CNTN3: variants seen among roughly 807,000 people sequenced by gnomAD.
CNTN3 encodes the protein contactin-3.
CNTN3 carries 60 observed loss-of-function variants against 119.1 expected under a neutral mutation model. The ratio of observed to expected loss-of-function variants is 0.50; its 90% confidence interval spans 0.41 to 0.62. The LOEUF (loss-of-function observed/expected upper bound fraction) is 0.62. Ranked by LOEUF, CNTN3 falls within the 20% of genes least tolerant of loss-of-function variation. The probability of loss-of-function intolerance (pLI) is 0.00; values close to 1 mark genes in which losing one functional copy is unlikely to be tolerated. For missense variants in CNTN3, 1,101 were observed against 1,242.4 expected (o/e 0.89, Z 1.71); for synonymous variants, 450 against 438.7 (o/e 1.03, Z -0.32).
At chr3:74,589,701 C>G (rs1704665034) in intron 1 of CNTN3, among the ~76,000 whole-genome samples, 1 of 150,212 alleles carries the variant, frequency 6.7e-6, no homozygotes. Flanking sequence ...AGACTTGGAA[C>G]CAACCCAAAT....
intron 2 of CNTN3, among the ~76,000 whole-genome samples, chr3:74,511,146 T>TA (rs906563400): frequency 2.4e-4 from 37 of 151,574 alleles, no homozygotes; most frequent in African/African-American, 6.8e-4. Flanking sequence ...TGGCTTCATT[T>TA]AAAAAAAAAT....
At chr3:74,378,136 T>C (rs961302215) in intron 5 of CNTN3, among the ~76,000 whole-genome samples, 1 of 152,216 alleles carries the variant, frequency 6.6e-6, no homozygotes, top group African/African-American at 2.4e-5. Context: ...TTATCACCGA[T>C]TCATACAATC....
chr3:74,590,293 T>C (rs1704679387), intron 1 of CNTN3, among the ~76,000 whole-genome samples: 1 of 151,940 alleles, frequency 6.6e-6, no homozygotes, highest in Non-Finnish European at 1.5e-5. Context: ...GAAGTATACT[T>C]TCCAATTCAG....
At chr3:74,464,417 T>C (rs1702425062) in intron 4 of CNTN3, among the ~76,000 whole-genome samples, 1 of 152,116 alleles carries the variant, frequency 6.6e-6, no homozygotes, top group Non-Finnish European at 1.5e-5. Context: ...TGATGGTATA[T>C]ACAGATATAA....
chr3:74,575,721 C>T (rs949044781), intron 1 of CNTN3, among the ~76,000 whole-genome samples: 2 of 151,774 alleles, frequency 1.3e-5, no homozygotes, highest in East Asian at 1.9e-4. Flanking sequence ...TCAACTCCTG[C>T]TCCCCTTTTC....
Position 74,336,530 on chromosome 3 carries a change from C to A in CNTN3, c.1492+1G>T. The A allele has an allele frequency of 6.2e-7, 1 of 1,611,712 alleles. No individual in the cohort carries two copies. Among genetic ancestry groups the A allele is most frequent in the South Asian group, 1.1e-5 (1 of 90,876 alleles). On this transcript the variant is annotated splice_donor_variant, in intron 12 of 22. Transcript: ENST00000263665. LOFTEE classifies it high-confidence loss of function. Reference sequence around the variant, plus strand: ...AAGCAATATTTTAGAAATGGACCTACCCGTAACAACCAAATGTGTTGTGCC... The same window carrying A: ...AAGCAATATTTTAGAAATGGACCTAACCGTAACAACCAAATGTGTTGTGCC...
At chr3:74,425,039 T>A in intron 4 of CNTN3, 99 bp from the exon 5 acceptor site, 1 of 806,434 alleles carries the variant, frequency 1.2e-6, no homozygotes, top group Non-Finnish European at 1.9e-6. Context: ...AATTTTAGTT[T>A]TTGCTTTTTT....
At chr3:74,357,161 C>T (rs2106761393) in intron 11 of CNTN3, among the ~76,000 whole-genome samples, 1 of 152,156 alleles carries the variant, frequency 6.6e-6, no homozygotes, top group Non-Finnish European at 1.5e-5. Context: ...CTCCTGACCT[C>T]GTGATCCGCC....
At chr3:74,396,980 T>A (rs1011111979) in intron 5 of CNTN3, among the ~76,000 whole-genome samples, 5 of 152,138 alleles carry the variant, frequency 3.3e-5, no homozygotes, top group Non-Finnish European at 7.3e-5. Flanking sequence ...TCAATGTAGA[T>A]GAAATAGCCT....
At chr3:74,441,873 G>T (rs897334599) in intron 4 of CNTN3, among the ~76,000 whole-genome samples, 1 of 151,958 alleles carries the variant, frequency 6.6e-6, no homozygotes, top group Non-Finnish European at 1.5e-5. Flanking sequence ...GACAAATTAG[G>T]TTACCATTCT....
intron 5 of CNTN3, among the ~76,000 whole-genome samples, chr3:74,391,724 C>T (rs1704911199): frequency 6.6e-6 from 1 of 151,962 alleles, no homozygotes; most frequent in Non-Finnish European, 1.5e-5. Flanking sequence ...GTGCCACCAT[C>T]TTGGCTCACT....
chr3:74,290,137 G>A lies in CNTN3; in HGVS notation c.2518-4646C>T, dbSNP rs138978033. Reference sequence around the variant, plus strand: ...ATGACAGGGATACATTCTGAGAAATGTATCATTAGATGGTTGTTGCATTGT... The same window carrying A: ...ATGACAGGGATACATTCTGAGAAATATATCATTAGATGGTTGTTGCATTGT... On this transcript the variant is annotated intron_variant, in intron 19 of 22. Transcript: ENST00000263665. Among the ~76,000 whole-genome samples, 539 of 152,266 alleles carry A rather than the reference G, an allele frequency of 3.5e-3. 5 individuals carry two copies. The highest frequency in any genetic ancestry group is 0.011 in the African/African-American group (447 of 41,556).
intron 5 of CNTN3, among the ~76,000 whole-genome samples, chr3:74,407,087 A>G (rs962259224): frequency 1.3e-5 from 2 of 152,122 alleles, no homozygotes; most frequent in African/African-American, 4.8e-5. Context: ...CTCTCTTACA[A>G]TAGGATGTTG....
chr3:74,371,519 G>T, intron 5 of CNTN3, 120 bp from the exon 6 acceptor site: 1 of 692,328 alleles, frequency 1.4e-6, no homozygotes, highest in Non-Finnish European at 2.5e-6. Context: ...TGTTTTTGTT[G>T]CAGGCCATGA....
intron 20 of CNTN3, among the ~76,000 whole-genome samples, chr3:74,273,579 C>T (rs953631028): frequency 2.0e-5 from 3 of 152,114 alleles, no homozygotes; most frequent in Non-Finnish European, 4.4e-5. Context: ...GAGAAGATTC[C>T]GACCTTACCT....
chr3:74,583,213 G>A (rs1043809092), intron 1 of CNTN3, among the ~76,000 whole-genome samples: 1 of 152,152 alleles, frequency 6.6e-6, no homozygotes, highest in African/African-American at 2.4e-5. Context: ...GTGGTTCAGA[G>A]TGTGACCTCT....
intron 19 of CNTN3, among the ~76,000 whole-genome samples, chr3:74,286,641 T>C (rs1416901541): frequency 2.0e-5 from 3 of 152,038 alleles, no homozygotes; most frequent in South Asian, 2.1e-4. Flanking sequence ...GAAAAACCAA[T>C]ATTCAAAGGG....
At chr3:74,311,080 T>C (rs1276199536) in intron 13 of CNTN3, among the ~76,000 whole-genome samples, 1 of 152,172 alleles carries the variant, frequency 6.6e-6, no homozygotes, top group African/African-American at 2.4e-5. Flanking sequence ...TTTATTTATT[T>C]AAAGCAAAAC....
At chr3:74,400,433 T>C (rs574094441) in intron 5 of CNTN3, among the ~76,000 whole-genome samples, 2 of 152,320 alleles carry the variant, frequency 1.3e-5, no homozygotes, top group Non-Finnish European at 2.9e-5. Context: ...GAATCTCTAG[T>C]CATTAACACA....
Sources: allele counts gnomAD v4.1 joint callset (sites outside exome capture counted in the v4.1 genomes callset), GRCh38; gene constraint gnomAD v4.1.1; transcripts MANE v1.5; gene names NCBI Gene and HGNC (gene_info 2026-07-23, HGNC 2026-07-21).